ROBO2: variants seen among roughly 807,000 people sequenced by gnomAD.
ROBO2 encodes the protein roundabout guidance receptor 2.
A neutral mutation model predicts 160.8 loss-of-function variants in ROBO2; 53 were observed. The observed-to-expected ratio is 0.33, with a 90% CI of 0.26 to 0.41. The LOEUF is 0.41. Ranked by LOEUF, ROBO2 falls within the 10% of genes least tolerant of loss-of-function variation. The pLI is 1.00. For missense variants in ROBO2, 1,577 were observed against 1,722.4 expected, an observed-to-expected ratio of 0.92 and a Z score of 1.49; for synonymous variants, 664 against 611.7, an observed-to-expected ratio of 1.09 and a Z score of -1.26.
intron 2 of ROBO2, among the ~76,000 whole-genome samples, chr3:76,082,100 G>A (rs9863209): frequency 0.67 from 101,831 of 151,890 alleles, 35,324 homozygotes; most frequent in African/African-American, 0.86. Context: ...TCACTGAGCC[G>A]TATGCCCAAA....
At chr3:77,241,085 A>C (rs2088965124) in intron 2 of ROBO2, among the ~76,000 whole-genome samples, 1 of 152,190 alleles carries the variant, frequency 6.6e-6, no homozygotes, top group African/African-American at 2.4e-5. Flanking sequence ...AACAGTTTTG[A>C]TGAATTAGTA....
intron 1 of ROBO2, among the ~76,000 whole-genome samples, chr3:75,930,771 T>C (rs1397940512): frequency 4.6e-5 from 7 of 152,212 alleles, no homozygotes; most frequent in Middle Eastern, 3.2e-3. Context: ...AATATCCAGT[T>C]CAACATTCAT....
At chr3:77,365,250 A>G (rs2070684760) in intron 2 of ROBO2, among the ~76,000 whole-genome samples, 1 of 151,856 alleles carries the variant, frequency 6.6e-6, no homozygotes, top group African/African-American at 2.4e-5. Context: ...TTTCATCCTG[A>G]TGCTAATGGA....
At chr3:77,057,990 TA>T (rs1289387558) in intron 1 of ROBO2, among the ~76,000 whole-genome samples, 1 of 151,098 alleles carries the variant, frequency 6.6e-6, no homozygotes, top group African/African-American at 2.4e-5. Flanking sequence ...AAAGTAAAAT[TA>T]AAAAAAAAGA....
intron 2 of ROBO2, among the ~76,000 whole-genome samples, chr3:76,106,014 T>A (rs1248024278): frequency 6.6e-6 from 1 of 152,158 alleles, no homozygotes; most frequent in Non-Finnish European, 1.5e-5. Context: ...CACCATTTCA[T>A]TTCAGGTTAG....
intron 2 of ROBO2, among the ~76,000 whole-genome samples, chr3:77,151,504 G>T (rs1403804671): frequency 2.6e-5 from 4 of 152,044 alleles, no homozygotes; most frequent in African/African-American, 7.2e-5. Context: ...TCATTCAGAT[G>T]AATGCTTTGT....
chr3:76,464,010 A>G (rs2078235372), intron 2 of ROBO2, among the ~76,000 whole-genome samples: 1 of 152,134 alleles, frequency 6.6e-6, no homozygotes, highest in African/African-American at 2.4e-5. Flanking sequence ...AGGAGGAGAG[A>G]AGGAGAATAA....
At chr3:76,502,611 G>A (rs1012767186) in intron 2 of ROBO2, among the ~76,000 whole-genome samples, 1 of 152,094 alleles carries the variant, frequency 6.6e-6, no homozygotes, top group African/African-American at 2.4e-5. Flanking sequence ...CATAGCAAGT[G>A]TACGTATTTA....
At chr3:76,641,758 G>A (rs571160124) in intron 2 of ROBO2, among the ~76,000 whole-genome samples, 1 of 152,224 alleles carries the variant, frequency 6.6e-6, no homozygotes, top group East Asian at 1.9e-4. Context: ...TTATTTAATA[G>A]AGACAGAGTC....
chr3:76,978,939 T>TTTG (rs1268589224), intron 2 of ROBO2, among the ~76,000 whole-genome samples: 170 of 135,600 alleles, frequency 1.3e-3, no homozygotes, highest in Admixed American at 3.6e-3. Context: ...TGTTTGTTTG[T>TTTG]TTTTTAAAAA....
intron 2 of ROBO2, among the ~76,000 whole-genome samples, chr3:76,963,461 T>C (rs1410926868): frequency 6.6e-6 from 1 of 152,170 alleles, no homozygotes; most frequent in East Asian, 1.9e-4. Context: ...TTCCATGATT[T>C]TATAGAGTGA....
chr3:75,968,326 G>T lies in ROBO2; in HGVS notation c.109+30724G>T, dbSNP rs1258840195. On this transcript the variant is annotated intron_variant, in intron 2 of 26. Coordinates refer to the ROBO2 transcript ENST00000487694. ...TTTGCTGGTGAGTCTACATTTATCAGGTTGTCTCCTTCCTCTGCTTATCTT... is the reference window on the plus strand; with the variant it reads ...TTTGCTGGTGAGTCTACATTTATCATGTTGTCTCCTTCCTCTGCTTATCTT... Among the ~76,000 whole-genome samples the T allele has an allele frequency of 2.6e-5, 4 of 151,420 alleles. No individual in the cohort carries two copies. In the South Asian group the frequency reaches 8.3e-4, roughly 31 times the overall value.
At position 77,516,813 on chromosome 3, in the gene ROBO2, T is replaced by C. The variant is rs79992537; in HGVS notation, c.807-5962T>C. On this transcript the variant is annotated intron_variant, in intron 5 of 25. Coordinates refer to ENST00000461745, the Ensembl canonical transcript of ROBO2. The stretch of plus-strand genomic sequence containing the variant: ...TTACTATGCTTCTTGATACAATATC[T>C]TGTTATATTTCAAATTAGTTAATCT... 4.5e-3 allele frequency among the ~76,000 whole-genome samples: 689 copies of C among 151,776 alleles called. 10 individuals are homozygous for C. The East Asian group carries it at 0.066, about 15-fold the overall frequency.
intron 2 of ROBO2, among the ~76,000 whole-genome samples, chr3:76,333,353 A>G (rs549175637): frequency 1.3e-5 from 2 of 152,322 alleles, no homozygotes; most frequent in Admixed American, 6.5e-5. Context: ...AAGTGTACGC[A>G]GCGTAAAGTC....
chr3:76,467,589 A>G (rs1199575741), intron 2 of ROBO2, among the ~76,000 whole-genome samples: 2 of 152,152 alleles, frequency 1.3e-5, no homozygotes, highest in Non-Finnish European at 2.9e-5. Flanking sequence ...TTTAACAGCC[A>G]GCTGTCCATT....
At chr3:77,521,947 C>G (rs1325268389) in intron 5 of ROBO2, among the ~76,000 whole-genome samples, 4 of 151,042 alleles carry the variant, frequency 2.6e-5, no homozygotes, top group Non-Finnish European at 5.9e-5. Context: ...GGTGGCCAAT[C>G]AGAAACTATT....
rs528376140 is a variant in ROBO2 at position 77,469,782 on chromosome 3, C to A, written c.389-7632C>A. On this transcript the variant is annotated intron_variant, in intron 2 of 25. Transcript: ENST00000461745. ...ATAAATGACATTTTAAAATCAAATT[C>A]AAACACTGTGGTCTATTTTATATCA... is the stretch of plus-strand genomic sequence containing the variant. Among the ~76,000 whole-genome samples the A allele has an allele frequency of 1.2e-4, 18 of 152,226 alleles. 1 individual carries two copies. The highest frequency in any genetic ancestry group is 4.1e-4 in the African/African-American group (17 of 41,534).
intron 2 of ROBO2, among the ~76,000 whole-genome samples, chr3:76,624,660 C>T (rs1045787677): frequency 1.3e-5 from 2 of 151,664 alleles, no homozygotes; most frequent in South Asian, 4.2e-4. Context: ...ATTAGCCGGG[C>T]ATGGTGGCAT....
rs58322228 is a variant in ROBO2, at chr3:76,750,096, A to T, written c.110-347918A>T. On this transcript the variant is annotated intron_variant, in intron 2 of 26. Transcript: ENST00000487694. Reference sequence around the variant, plus strand: ...CAGCAGCATGTCATAAAGCTTATCCACCATGATCAAGTGGGCTTCATCCCT... The same window carrying T: ...CAGCAGCATGTCATAAAGCTTATCCTCCATGATCAAGTGGGCTTCATCCCT... Among the ~76,000 whole-genome samples, 27 of 152,228 alleles carry T rather than the reference A, an allele frequency of 1.8e-4. No homozygotes were observed. The East Asian group carries it at 4.7e-3, about 26-fold the overall frequency.
Sources: allele counts gnomAD v4.1 joint callset (sites outside exome capture counted in the v4.1 genomes callset), GRCh38; gene constraint gnomAD v4.1.1; transcripts MANE v1.5; gene names NCBI Gene and HGNC (gene_info 2026-07-23, HGNC 2026-07-21).